DCAF13: variants seen among roughly 807,000 people sequenced by gnomAD.
DCAF13 encodes the protein DDB1- and CUL4-associated factor 13.
DCAF13 carries 38 observed loss-of-function variants against 59.0 expected under a neutral mutation model. That is an observed-to-expected ratio of 0.64 (90% CI 0.50 to 0.84). The LOEUF is 0.84. Among genes scored for constraint, DCAF13 ranks in the 40% least tolerant of loss-of-function variants. DCAF13 has a pLI of 0.00. For synonymous variants in DCAF13, 173 were observed against 175.0 expected (o/e 0.99, Z 0.09); for missense variants, 469 against 558.4 (o/e 0.84, Z 1.61).
rs1189878712 is a variant in DCAF13, at chr8:103,441,820, C to T, written c.1250+202C>T. 6.1e-6 allele frequency: 3 copies of T among 493,134 alleles called. No individual in the cohort carries two copies. In the African/African-American group the frequency reaches 6.3e-5, roughly 10 times the overall value. The allele number at this position is 493,134 out of a possible 1,614,324, so 30.5% of individuals were successfully genotyped here. A position where few individuals can be genotyped will look rare whatever the true frequency, so the allele number is the denominator to read the frequency against. ...TGAGACGGAGTCTCGCTCTGGAGTG[C>T]AGTGGCACAATCTTGGTTCACTGCA... On this transcript the variant is annotated intron_variant, in intron 10 of 10. Transcript: ENST00000612750.
rs560406776 is a variant in DCAF13, at chr8:103,432,873, TAA to T, written c.785+136_785+137del. 1.8e-3 allele frequency: 942 copies of T among 520,040 alleles called. 1 individual carries two copies. The highest frequency in any genetic ancestry group is 2.8e-3 in the Non-Finnish European group (816 of 293,544). 32.2% of individuals were successfully genotyped at this position (520,040 alleles called of 1,614,324 possible). Reference sequence around the variant, plus strand: ...TTGAAAACTGTCATCTGTTTAGCTTTAAAAAGTTTTCCAAATTGGAGAAGAAC... The same window carrying T: ...TTGAAAACTGTCATCTGTTTAGCTTTAAAGTTTTCCAAATTGGAGAAGAAC... On this transcript the variant is annotated intron_variant, in intron 7 of 10. Transcript: ENST00000612750.
intron 3 of DCAF13, chr8:103,421,289 C>T (rs187330014): frequency 3.7e-5 from 24 of 647,870 alleles, no homozygotes; most frequent in Non-Finnish European, 5.9e-5. Context: ...AACTAATATT[C>T]AATTTACCAC....
At position 103,435,709 on chromosome 8, in the gene DCAF13, A is replaced by G; in HGVS notation, c.869A>G (p.Tyr290Cys). ...DHVSAVLDVDYSPTGKEFVSA... is the reference protein window; with the variant it reads ...DHVSAVLDVDCSPTGKEFVSA... ...GTATCTGCAGTGCTTGATGTGGATT[A>G]CTCTCCCACTGGGAAGGAGTTTGTG... Residue 290 changes from tyrosine (Y) to cysteine (C), a missense_variant, in exon 8 of 11, where the codon TAC becomes TGC. Tyr to Cys is a radical substitution (Grantham distance 194). Transcript: ENST00000612750. 1 of 1,613,396 alleles carries G rather than the reference A, an allele frequency of 6.2e-7. No individual in the cohort carries two copies. Among genetic ancestry groups the G allele is most frequent in the Non-Finnish European group, 8.5e-7 (1 of 1,179,642 alleles).
intron 5 of DCAF13, chr8:103,430,218 CT>C (rs1447127681): frequency 6.5e-6 from 1 of 153,346 alleles, no homozygotes; most frequent in African/African-American, 2.4e-5. Flanking sequence ...TGGTGAAACC[CT>C]GTCTCTTCTA....
At chr8:103,429,570 A>G (rs1346914815) in intron 5 of DCAF13, 2 of 152,190 alleles carry the variant, frequency 1.3e-5, no homozygotes, top group Non-Finnish European at 2.9e-5. Context: ...GCTTATTTTT[A>G]CTTAATGCCA....
At chr8:103,415,568 T>C in intron 1 of DCAF13, 52 bp downstream of exon 1, 1 of 1,527,618 alleles carries the variant, frequency 6.5e-7, no homozygotes, top group Non-Finnish European at 8.8e-7. Flanking sequence ...TCGTTGGGTC[T>C]AGCCTCGGCT....
intron 3 of DCAF13, chr8:103,421,320 G>T: frequency 1.7e-6 from 1 of 593,756 alleles, no homozygotes. Context: ...TTAATGAGAG[G>T]TAAGTCTAGA....
chr8:103,436,999 T>G (rs764845323), intron 8 of DCAF13, among the ~76,000 whole-genome samples: 2 of 152,194 alleles, frequency 1.3e-5, no homozygotes, highest in Non-Finnish European at 2.9e-5. Context: ...AGCAGATAAT[T>G]ATCTTCATCA....
intron 3 of DCAF13, among the ~76,000 whole-genome samples, chr8:103,422,282 C>G (rs984369427): frequency 1.3e-5 from 2 of 152,066 alleles, no homozygotes; most frequent in Non-Finnish European, 2.9e-5. Context: ...GTCTGTCATA[C>G]CTTTACAGAT....
intron 1 of DCAF13, among the ~76,000 whole-genome samples, chr8:103,417,719 C>T (rs146051371): frequency 6.6e-6 from 1 of 151,528 alleles, no homozygotes; most frequent in African/African-American, 2.4e-5. Context: ...GGGATCTGCT[C>T]AAAAACTCTG....
intron 3 of DCAF13, among the ~76,000 whole-genome samples, chr8:103,425,106 A>G (rs1326463422): frequency 6.6e-6 from 1 of 152,224 alleles, no homozygotes; most frequent in African/African-American, 2.4e-5. Context: ...GAAAAGAGCT[A>G]CATTCATACT....
At chr8:103,431,916 C>G (rs1029609673) in intron 6 of DCAF13, among the ~76,000 whole-genome samples, 2 of 152,084 alleles carry the variant, frequency 1.3e-5, no homozygotes, top group African/African-American at 4.8e-5. Context: ...GCTCTGAAAT[C>G]TGGTTCTAAT....
intron 8 of DCAF13, chr8:103,439,880 G>T (rs1816984480): frequency 2.5e-5 from 6 of 240,276 alleles, no homozygotes; most frequent in African/African-American, 6.7e-5. Context: ...CTGTACATCT[G>T]GTTTTGCTTA....
chr8:103,435,604 A>G, intron 7 of DCAF13, 22 bp from the exon 8 acceptor site: 1 of 1,502,524 alleles, frequency 6.7e-7, no homozygotes, highest in Non-Finnish European at 8.9e-7. Flanking sequence ...TATGTGTCAA[A>G]TATTTAAAAA....
At chr8:103,424,460 A>C (rs1217416150) in intron 3 of DCAF13, among the ~76,000 whole-genome samples, 1 of 152,258 alleles carries the variant, frequency 6.6e-6, no homozygotes, top group African/African-American at 2.4e-5. Context: ...TTTATTACCT[A>C]AAACTTCACT....
chr8:103,422,675 C>G (rs1480224506), intron 3 of DCAF13, among the ~76,000 whole-genome samples: 4 of 152,180 alleles, frequency 2.6e-5, no homozygotes, highest in African/African-American at 9.6e-5. Flanking sequence ...TGGTGTATGT[C>G]TTTTCAAGTG....
In DCAF13 at chr8:103,420,177, T is replaced by C. The variant is rs1165551871; in HGVS notation, c.71-87T>C. The C allele has an allele frequency of 2.5e-6, 3 of 1,188,976 alleles. No homozygotes were observed. The African/African-American group carries it at 4.6e-5, about 18-fold the overall frequency. The allele number at this position is 1,188,976 out of a possible 1,614,324, so 73.7% of individuals were successfully genotyped here. A position where few individuals can be genotyped will look rare whatever the true frequency, so the allele number is the denominator to read the frequency against. On this transcript the variant is annotated intron_variant, in intron 1 of 10. Transcript: ENST00000612750. Reference sequence around the variant, plus strand: ...GCATAGAACAATGTCACTAACTAAATGCTTATTGAATAACAGAGTGATTAG... The same window carrying C: ...GCATAGAACAATGTCACTAACTAAACGCTTATTGAATAACAGAGTGATTAG...
intron 7 of DCAF13, 56 bp from the exon 8 acceptor site, chr8:103,435,570 C>A: frequency 7.2e-7 from 1 of 1,381,392 alleles, no homozygotes; most frequent in Non-Finnish European, 9.7e-7. Context: ...TCTTTTAGTA[C>A]TGCATATGGC....
Position 103,432,754 on chromosome 8 carries a change from CT to C in DCAF13, c.785+17del, listed in dbSNP as rs1322131119. ...ATGAAGATTATAAGTAAGTTTCCCT[CT>C]TTTAAAAACTTGTGTATTTCTATCA... On this transcript the variant is annotated intron_variant, in intron 7 of 10. Transcript: ENST00000612750. 6.7e-7 allele frequency: 1 copy of C among 1,501,470 alleles called. No homozygotes were observed. The highest frequency in any genetic ancestry group is 1.7e-5 in the Admixed American group (1 of 59,406). 93.0% of individuals were successfully genotyped at this position (1,501,470 alleles called of 1,614,324 possible). A position where few individuals can be genotyped will look rare whatever the true frequency, so the allele number is the denominator to read the frequency against.
Sources: gnomAD v4.1 joint callset for allele counts (sites outside exome capture counted in the v4.1 genomes callset) on GRCh38, gnomAD v4.1.1 for gene constraint, MANE v1.5 for transcripts, NCBI Gene and HGNC (gene_info 2026-07-23, HGNC 2026-07-21) for gene names.